The following PPIL2 variants were observed in gnomAD, a reference collection of about 807,000 sequenced individuals.
PPIL2 encodes the protein peptidylprolyl isomerase like 2, also known as RING-type E3 ubiquitin-protein ligase PPIL2.
Under a neutral mutation model 75.2 loss-of-function variants are expected in PPIL2, and 50 were observed. That is an observed-to-expected ratio of 0.66 (90% CI 0.53 to 0.84). The LOEUF (loss-of-function observed/expected upper bound fraction) is 0.84, where lower values mean the gene tolerates loss of function less well. Ranked by LOEUF, PPIL2 falls within the 40% of genes least tolerant of loss-of-function variation. The pLI is 0.00. For missense variants in PPIL2, 590 were observed against 685.0 expected (o/e 0.86, Z 1.55); for synonymous variants, 245 against 258.8 (o/e 0.95, Z 0.51).
intron 6 of PPIL2, among the ~76,000 whole-genome samples, chr22:21,678,236 T>C (rs925521270): frequency 3.9e-5 from 6 of 152,086 alleles, no homozygotes; most frequent in African/African-American, 1.4e-4. Flanking sequence ...TCTTTTGTTG[T>C]GTTTCCTTTT....
chr22:21,694,342 C>G (rs1032141264), intron 16 of PPIL2, among the ~76,000 whole-genome samples: 1 of 152,106 alleles, frequency 6.6e-6, no homozygotes, highest in Non-Finnish European at 1.5e-5. Flanking sequence ...TTTTGTGACT[C>G]CTATTTTTCC....
chr22:21,697,042 A>G lies in PPIL2; in HGVS notation c.*1552A>G. On this transcript the variant is annotated 3_prime_UTR_variant, in exon 20 of 20. Transcript: ENST00000398831. ...CAGCCTGTCATCCCTGTCTGTGACCATTGGTCGGGCCCCTGGGCTCTAGAG... is the reference window on the plus strand; with the variant it reads ...CAGCCTGTCATCCCTGTCTGTGACCGTTGGTCGGGCCCCTGGGCTCTAGAG... 1 of 1,514,988 alleles carries G rather than the reference A, an allele frequency of 6.6e-7. No individual in the cohort carries two copies. Among genetic ancestry groups the G allele is most frequent in the South Asian group, 1.2e-5 (1 of 82,196 alleles). 93.8% of individuals were successfully genotyped at this position (1,514,988 alleles called of 1,614,324 possible).
intron 6 of PPIL2, among the ~76,000 whole-genome samples, chr22:21,681,035 C>A (rs1015279149): frequency 3.3e-5 from 5 of 152,040 alleles, no homozygotes; most frequent in Non-Finnish European, 7.4e-5. Flanking sequence ...ATGGTGATCA[C>A]CCAGGGGTGG....
chr22:21,691,230 C>T (rs2148566227), intron 15 of PPIL2, among the ~76,000 whole-genome samples: 1 of 152,198 alleles, frequency 6.6e-6, no homozygotes, highest in Non-Finnish European at 1.5e-5. Context: ...AGGCATGAGC[C>T]ACCACACTCG....
intron 6 of PPIL2, among the ~76,000 whole-genome samples, chr22:21,679,187 C>T (rs984696605): frequency 3.9e-5 from 6 of 152,132 alleles, no homozygotes; most frequent in Middle Eastern, 3.4e-3. Flanking sequence ...TGAGCCACCG[C>T]GCCCAGCCCC....
intron 15 of PPIL2, among the ~76,000 whole-genome samples, chr22:21,689,954 G>A (rs928836365): frequency 1.2e-4 from 18 of 152,322 alleles, no homozygotes; most frequent in African/African-American, 1.7e-4. Context: ...TGGCTTCGCC[G>A]TGGCCTTCTG....
At chr22:21,677,192 C>A (rs374101624) in intron 6 of PPIL2, among the ~76,000 whole-genome samples, 9 of 151,418 alleles carry the variant, frequency 5.9e-5, no homozygotes, top group Admixed American at 2.0e-4. Flanking sequence ...CAGGCAGAGA[C>A]ACTCCTCACC....
intron 13 of PPIL2, 139 bp downstream of exon 13, chr22:21,687,871 G>C: frequency 1.9e-6 from 2 of 1,073,498 alleles, no homozygotes; most frequent in Non-Finnish European, 2.7e-6. Flanking sequence ...TCCTCTGTTG[G>C]GGAACCCATA....
chr22:21,695,978 C>A lies in PPIL2; in HGVS notation c.*488C>A. 1.9e-6 allele frequency: 1 copy of A among 533,422 alleles called. No individual in the cohort carries two copies. The highest frequency in any genetic ancestry group is 2.5e-6 in the Non-Finnish European group (1 of 406,180). The allele number at this position is 533,422 out of a possible 1,614,324, so 33.0% of individuals were successfully genotyped here. A position where few individuals can be genotyped will look rare whatever the true frequency, so the allele number is the denominator to read the frequency against. On this transcript the variant is annotated 3_prime_UTR_variant, in exon 20 of 20. Coordinates refer to ENST00000398831, the MANE Select transcript of PPIL2 (RefSeq NM_014337.4). ...CTGGGACTACAGCCGTGCACCACTA[C>A]ATCCAGCTGTATATGTCTGGTTTTC...
At chr22:21,698,327 A>AAAAG (rs2068018530), downstream of PPIL2, 1 of 152,286 alleles carries the variant, frequency 6.6e-6, no homozygotes, top group Non-Finnish European at 1.5e-5. Flanking sequence ...ATGCCGTCAC[A>AAAAG]AAAGACAGTA....
intron 7 of PPIL2, 31 bp from the exon 8 acceptor site, chr22:21,682,406 G>T: frequency 6.3e-7 from 1 of 1,588,158 alleles, no homozygotes; most frequent in Non-Finnish European, 8.6e-7. Context: ...CTTGGGGCAG[G>T]CATCGTAAAA....
Position 21,696,008 on chromosome 22 carries a change from C to T in PPIL2, c.*518C>T. The T allele has an allele frequency of 1.9e-6, 1 of 535,146 alleles. No homozygotes were observed. Among genetic ancestry groups the T allele is most frequent in the South Asian group, 7.0e-5 (1 of 14,242 alleles). 33.1% of individuals were successfully genotyped at this position (535,146 alleles called of 1,614,324 possible). ...AGCTGTATATGTCTGGTTTTCTTAC[C>T]CCTACTTCTGTCATCTTCTCAGGGA... On this transcript the variant is annotated 3_prime_UTR_variant, in exon 20 of 20. Coordinates refer to ENST00000398831, the MANE Select transcript of PPIL2 (RefSeq NM_014337.4).
chr22:21,691,496 C>T (rs749278819), intron 15 of PPIL2, among the ~76,000 whole-genome samples: 5 of 151,952 alleles, frequency 3.3e-5, no homozygotes, highest in African/African-American at 9.7e-5. Context: ...CTCGCTAACA[C>T]GGTGAAACCC....
rs1428498269 is a variant in PPIL2, at chr22:21,668,773, A to G, written c.33-1140A>G. Among the ~76,000 whole-genome samples the G allele has an allele frequency of 5.6e-5, 8 of 141,952 alleles. No homozygotes were observed. In the South Asian group the frequency reaches 6.9e-4, roughly 12 times the overall value. 93.1% of individuals were successfully genotyped at this position (141,952 alleles called of 152,430 possible). ...GTCGCCCAGGCTGGAGTGCGGTGGCATGGTCTCCGCTCACTGCAAGCTCCG... is the reference window on the plus strand; with the variant it reads ...GTCGCCCAGGCTGGAGTGCGGTGGCGTGGTCTCCGCTCACTGCAAGCTCCG... On this transcript the variant is annotated intron_variant, in intron 1 of 19. Coordinates refer to ENST00000398831, the MANE Select transcript of PPIL2 (RefSeq NM_014337.4).
intron 10 of PPIL2, among the ~76,000 whole-genome samples, chr22:21,685,155 G>A (rs974576545): frequency 7.2e-5 from 11 of 152,222 alleles, no homozygotes; most frequent in African/African-American, 2.7e-4. Flanking sequence ...ACTGGTCGTT[G>A]AAGAACCAAG....
Position 21,695,352 on chromosome 22 carries a change from TGAGGGA to T in PPIL2, c.1467-40_1467-35del, listed in dbSNP as rs774147417. 1.3e-5 allele frequency: 21 copies of T among 1,562,384 alleles called. No homozygotes were observed. In the East Asian group the frequency reaches 4.3e-4, roughly 32 times the overall value. Reference sequence around the variant, plus strand: ...GAGACACAGACAAGTCAGGAGGGGCTGAGGGAGGGTGTGGGCTCCCAGCGGCTTCTT... The same window carrying T: ...GAGACACAGACAAGTCAGGAGGGGCTGGGTGTGGGCTCCCAGCGGCTTCTT... On this transcript the variant is annotated intron_variant, in intron 19 of 19. Coordinates refer to ENST00000398831, the MANE Select transcript of PPIL2 (RefSeq NM_014337.4).
intron 6 of PPIL2, among the ~76,000 whole-genome samples, chr22:21,680,888 A>AGGGGATGG (rs201797992): frequency 0.013 from 1,960 of 150,528 alleles, 39 homozygotes; most frequent in African/African-American, 0.045. Context: ...TAGGCAGGCA[A>AGGGGATGG]GGGGATGGGC....
chr22:21,685,466 G>C (rs2067316832), intron 10 of PPIL2, among the ~76,000 whole-genome samples: 1 of 152,194 alleles, frequency 6.6e-6, no homozygotes, highest in Non-Finnish European at 1.5e-5. Flanking sequence ...GGGATCTGGA[G>C]CTAGGGGGAG....
Position 21,695,556 on chromosome 22 carries a change from T to C in PPIL2, c.*66T>C. ...CTGGGGGCCCATGTCCACATCTCCA[T>C]TTCCAGCCTTTCTAGCCTGCCCTCT... On this transcript the variant is annotated 3_prime_UTR_variant, in exon 20 of 20. Transcript: ENST00000398831. 1.3e-6 allele frequency: 2 copies of C among 1,548,394 alleles called. No individual in the cohort carries two copies. The highest frequency in any genetic ancestry group is 4.1e-4 in the Middle Eastern group (2 of 4,936).
Sources: allele counts gnomAD v4.1 joint callset (sites outside exome capture counted in the v4.1 genomes callset), GRCh38; gene constraint gnomAD v4.1.1; transcripts MANE v1.5; gene names NCBI Gene and HGNC (gene_info 2026-07-23, HGNC 2026-07-21).